The following PPARG variants were observed in gnomAD, a reference collection of about 807,000 sequenced individuals.
PPARG encodes peroxisome proliferator-activated receptor gamma.
In PPARG, 17 loss-of-function variants were observed where a neutral mutation model predicts 39.2. The observed-to-expected ratio is 0.43, with a 90% CI of 0.30 to 0.65. The LOEUF (loss-of-function observed/expected upper bound fraction) is 0.65, where lower values mean the gene tolerates loss of function less well. Ranked by LOEUF, PPARG falls within the 30% of genes least tolerant of loss-of-function variation. The pLI is 0.13. For synonymous variants in PPARG, 223 were observed against 215.7 expected (o/e 1.03, Z -0.30); for missense variants, 406 against 585.9 (o/e 0.69, Z 3.17).
intron 2 of PPARG, among the ~76,000 whole-genome samples, chr3:12,350,571 G>A (rs1261278083): frequency 6.6e-6 from 1 of 152,200 alleles, no homozygotes; most frequent in African/African-American, 2.4e-5. Flanking sequence ...GACAAGACCT[G>A]CTCCCACATC....
chr3:12,416,497 CA>C (rs1156908466), intron 6 of PPARG, among the ~76,000 whole-genome samples: 1 of 152,058 alleles, frequency 6.6e-6, no homozygotes, highest in Non-Finnish European at 1.5e-5. Context: ...GAAAGAAGAC[CA>C]AAATTGGTGA....
intron 1 of PPARG, among the ~76,000 whole-genome samples, chr3:12,294,702 C>G (rs897447705): frequency 1.3e-5 from 2 of 152,132 alleles, no homozygotes; most frequent in African/African-American, 4.8e-5. Context: ...TGAGACCAAC[C>G]TAACCAACAT....
chr3:12,396,517 G>A (rs2050266032), intron 5 of PPARG, among the ~76,000 whole-genome samples: 1 of 152,132 alleles, frequency 6.6e-6, no homozygotes, highest in Non-Finnish European at 1.5e-5. Flanking sequence ...AGCACTTTGG[G>A]AGGCCGAGGT....
intron 1 of PPARG, among the ~76,000 whole-genome samples, chr3:12,295,186 G>A (rs1051969429): frequency 2.0e-5 from 3 of 152,100 alleles, no homozygotes; most frequent in Admixed American, 1.3e-4. Context: ...TATCCTTTCC[G>A]TCAGTTGATA....
intron 2 of PPARG, among the ~76,000 whole-genome samples, chr3:12,356,701 C>T (rs543567640): frequency 9.9e-5 from 15 of 152,178 alleles, no homozygotes; most frequent in Non-Finnish European, 2.1e-4. Flanking sequence ...GAAATCTAGA[C>T]ACTTTTTCCC....
chr3:12,358,768 C>T (rs902130726), intron 2 of PPARG, among the ~76,000 whole-genome samples: 1 of 152,112 alleles, frequency 6.6e-6, no homozygotes, highest in African/African-American at 2.4e-5. Flanking sequence ...CATTTCTAGC[C>T]ACAATTACCC....
At chr3:12,401,612 GACAGA>G (rs1183660807) in intron 5 of PPARG, among the ~76,000 whole-genome samples, 1 of 78,514 alleles carries the variant, frequency 1.3e-5, no homozygotes, top group Middle Eastern at 5.7e-3. Flanking sequence ...TCAGCTGAAA[GACAGA>G]AAAAAAAAAA....
intron 6 of PPARG, among the ~76,000 whole-genome samples, chr3:12,416,424 C>T (rs13095882): frequency 6.8e-6 from 1 of 146,168 alleles, no homozygotes. Context: ...GAAGACTCCC[C>T]AAACAAAAGA....
rs764554237 is a variant in PPARG, at chr3:12,434,178, T to G, written c.*33T>G. On this transcript the variant is annotated 3_prime_UTR_variant, in exon 8 of 8. Transcript: ENST00000651735. This position sits in a 1 kb window ranked among gnomAD's most constrained non-coding sequence, Gnocchi z 4.2. ...TCCTGAGCCACTGCCAACATTTCCC[T>G]TCTTCCAGTTGCACTATTCTGAGGG... is the stretch of plus-strand genomic sequence containing the variant. The G allele has an allele frequency of 1.2e-6, 2 of 1,613,956 alleles. No homozygotes were observed. Among genetic ancestry groups the G allele is most frequent in the South Asian group, 1.1e-5 (1 of 91,042 alleles).
intron 2 of PPARG, among the ~76,000 whole-genome samples, chr3:12,347,409 CTTG>C (rs35788455): frequency 0.089 from 13,559 of 152,142 alleles, 767 homozygotes; most frequent in Non-Finnish European, 0.13. Context: ...GACTATCCGG[CTTG>C]TTGTGATGGT....
At position 12,374,244 on chromosome 3, in the gene PPARG, G is replaced by A. The variant is rs1346506797; in HGVS notation, c.-8-5460G>A. Among the ~76,000 whole-genome samples, 3 of 152,060 alleles carry A rather than the reference G, an allele frequency of 2.0e-5. No homozygotes were observed. In the East Asian group the frequency reaches 5.8e-4, roughly 29 times the overall value. ...TAGGTGGAGTATGGGGTATGTTTGG[G>A]GCAGTGAAACTATTCTGTGTGATCC... On this transcript the variant is annotated intron_variant, in intron 2 of 7. Coordinates refer to ENST00000651735, the MANE Select transcript of PPARG (RefSeq NM_138711.6).
chr3:12,326,824 G>A (rs912313666), intron 2 of PPARG, among the ~76,000 whole-genome samples: 1 of 152,052 alleles, frequency 6.6e-6, no homozygotes, highest in Admixed American at 6.5e-5. Flanking sequence ...AGACAAGATC[G>A]GGCGTGTTCA....
At chr3:12,404,910 C>T (rs1354909249) in intron 5 of PPARG, among the ~76,000 whole-genome samples, 1 of 152,186 alleles carries the variant, frequency 6.6e-6, no homozygotes, top group East Asian at 1.9e-4. Flanking sequence ...GCTCGAGGAG[C>T]ATATAGTCTA....
chr3:12,350,896 C>T (rs2048466926), intron 2 of PPARG, among the ~76,000 whole-genome samples: 1 of 152,012 alleles, frequency 6.6e-6, no homozygotes, highest in South Asian at 2.1e-4. Context: ...CATATCAAAC[C>T]CTTCTTCATT....
intron 1 of PPARG, among the ~76,000 whole-genome samples, chr3:12,297,678 A>G (rs2046820802): frequency 6.6e-6 from 1 of 152,132 alleles, no homozygotes; most frequent in African/African-American, 2.4e-5. Flanking sequence ...GTTCTCAGCC[A>G]TACGTAAGGT....
intron 2 of PPARG, among the ~76,000 whole-genome samples, chr3:12,348,315 G>T (rs1179696970): frequency 6.6e-6 from 1 of 152,108 alleles, no homozygotes; most frequent in African/African-American, 2.4e-5. Flanking sequence ...TTTATTGGTT[G>T]AATTGCCTTC....
chr3:12,355,236 G>A (rs1351327228), intron 2 of PPARG, among the ~76,000 whole-genome samples: 4 of 152,010 alleles, frequency 2.6e-5, no homozygotes, highest in South Asian at 2.1e-4. Context: ...CCTGGGCTTC[G>A]GTGATCCTCC....
intron 4 of PPARG, among the ~76,000 whole-genome samples, chr3:12,385,349 A>G (rs959784102): frequency 6.6e-6 from 1 of 152,202 alleles, no homozygotes; most frequent in Non-Finnish European, 1.5e-5. Flanking sequence ...ACAGGTTTAT[A>G]TTAGTGATTC....
intron 6 of PPARG, among the ~76,000 whole-genome samples, chr3:12,410,966 T>G (rs1389524885): frequency 6.6e-6 from 1 of 152,170 alleles, no homozygotes; most frequent in East Asian, 1.9e-4. Context: ...AGAAAGGGGC[T>G]TAGGGACCCC....
Sources: allele counts gnomAD v4.1 joint callset (sites outside exome capture counted in the v4.1 genomes callset), GRCh38; gene constraint gnomAD v4.1.1; non-coding constraint Gnocchi (gnomAD v3.1); transcripts MANE v1.5; gene names NCBI Gene and HGNC (gene_info 2026-07-23, HGNC 2026-07-21).